The following ABLIM2 variants were observed in gnomAD, a reference collection of about 807,000 sequenced individuals.
ABLIM2 encodes the protein actin binding LIM protein family member 2.
ABLIM2 carries 53 observed loss-of-function variants against 97.7 expected under a neutral mutation model. The ratio of observed to expected loss-of-function variants is 0.54; its 90% CI spans 0.44 to 0.68. ABLIM2 has a LOEUF of 0.68. ABLIM2 is among the 30% of genes least tolerant of loss of function. The pLI, the probability that ABLIM2 is intolerant of heterozygous loss-of-function variation, is 0.00. For missense variants in ABLIM2, 835 were observed against 867.2 expected, an observed-to-expected ratio of 0.96 and a Z score of 0.47; for synonymous variants, 361 against 345.8, an observed-to-expected ratio of 1.04 and a Z score of -0.49.
rs1320186064 is a variant in ABLIM2 at position 8,001,244 on chromosome 4, C to T, written c.1618+6815G>A. ...CAGCATTGGAGGAGGACAGAGGAGG[C>T]CCTGGGGCTGTGGCTATGAGACAAC... is the stretch of plus-strand genomic sequence containing the variant. On this transcript the variant is annotated intron_variant, in intron 16 of 20. Coordinates refer to ENST00000447017, the MANE Select transcript of ABLIM2 (RefSeq NM_001130083.2). The surrounding 1 kb of genome is among the most constrained non-coding windows in gnomAD (Gnocchi z 4.2). Among the ~76,000 whole-genome samples the T allele has an allele frequency of 2.0e-5, 3 of 152,176 alleles. No individual in the cohort carries two copies. Among genetic ancestry groups the T allele is most frequent in the Non-Finnish European group, 4.4e-5 (3 of 68,026 alleles).
chr4:8,121,733 A>G (rs1055254895), intron 1 of ABLIM2, among the ~76,000 whole-genome samples: 1 of 152,226 alleles, frequency 6.6e-6, no homozygotes, highest in African/African-American at 2.4e-5. Context: ...TGCCCAGTGA[A>G]TATTTCTCAA....
At position 8,127,228 on chromosome 4, in the gene ABLIM2, A is replaced by G. The variant is rs1490902670; in HGVS notation, c.11-20591T>C. Among the ~76,000 whole-genome samples, 3 of 152,162 alleles carry G rather than the reference A, an allele frequency of 2.0e-5. No homozygotes were observed. The highest frequency in any genetic ancestry group is 2.9e-5 in the Non-Finnish European group (2 of 68,024). On this transcript the variant is annotated intron_variant, in intron 1 of 20. Transcript: ENST00000447017. This position sits in a 1 kb window ranked among gnomAD's most constrained non-coding sequence, Gnocchi z 7.3. The stretch of plus-strand genomic sequence containing the variant: ...TCAGTGGGTGCTGGAGTCCAGACGC[A>G]GCTCCGATACCAGCACCGTGTGAGG...
intron 16 of ABLIM2, among the ~76,000 whole-genome samples, chr4:8,006,600 G>A (rs1299239268): frequency 2.0e-5 from 3 of 152,222 alleles, no homozygotes; most frequent in Non-Finnish European, 4.4e-5. Flanking sequence ...TAAACACAAC[G>A]GCATCTGACA....
intron 8 of ABLIM2, among the ~76,000 whole-genome samples, chr4:8,050,737 C>T (rs1229448284): frequency 7.0e-6 from 1 of 142,878 alleles, no homozygotes; most frequent in African/African-American, 2.7e-5. Context: ...AGCGCCAGGC[C>T]CTCCGGACAG....
chr4:8,156,449 C>A (rs573097886), intron 1 of ABLIM2, among the ~76,000 whole-genome samples: 2 of 152,180 alleles, frequency 1.3e-5, no homozygotes, highest in Non-Finnish European at 1.5e-5. Context: ...GCTATATAAA[C>A]AATCGCTCTG....
chr4:7,973,794 A>G (rs1560332536), intron 20 of ABLIM2, among the ~76,000 whole-genome samples: 1 of 152,190 alleles, frequency 6.6e-6, no homozygotes, highest in Non-Finnish European at 1.5e-5. Flanking sequence ...CTTTCCACCC[A>G]TCCACCTTGC....
intron 2 of ABLIM2, among the ~76,000 whole-genome samples, chr4:8,103,307 T>C (rs897583290): frequency 4.6e-5 from 7 of 152,242 alleles, no homozygotes; most frequent in Non-Finnish European, 8.8e-5. Flanking sequence ...GGAGAGAAGA[T>C]TAATGCAAGA....
chr4:8,021,586 G>A lies in ABLIM2; in HGVS notation c.1268-1283C>T, dbSNP rs1410602339. Among the ~76,000 whole-genome samples, 1 of 152,212 alleles carries A rather than the reference G, an allele frequency of 6.6e-6. No individual in the cohort carries two copies. The highest frequency in any genetic ancestry group is 1.5e-5 in the Non-Finnish European group (1 of 68,040). ...GAAATGAAACAGAAATAGAACTTCT[G>A]CGGTGGGTGAGTGATGTGCTGGGCC... On this transcript the variant is annotated intron_variant, in intron 12 of 20. Transcript: ENST00000447017. This position sits in a 1 kb window ranked among gnomAD's most constrained non-coding sequence, Gnocchi z 5.5.
chr4:8,099,532 G>T (rs1175157699), intron 2 of ABLIM2, among the ~76,000 whole-genome samples: 2 of 152,088 alleles, frequency 1.3e-5, no homozygotes, highest in Non-Finnish European at 2.9e-5. Flanking sequence ...GTATGCCAAG[G>T]TCACCACAAG....
At chr4:8,110,983 TA>T (rs1329335998) in intron 1 of ABLIM2, among the ~76,000 whole-genome samples, 1 of 152,182 alleles carries the variant, frequency 6.6e-6, no homozygotes. Flanking sequence ...TGAGGACGGC[TA>T]GGGGGGCAAC....
chr4:8,090,949 C>A (rs1023499188), intron 3 of ABLIM2, among the ~76,000 whole-genome samples: 2 of 152,008 alleles, frequency 1.3e-5, no homozygotes, highest in African/African-American at 4.8e-5. Context: ...CGGTTGCCAA[C>A]CAGCCTCTCC....
At chr4:8,030,424 A>G (rs376124645) in intron 10 of ABLIM2, among the ~76,000 whole-genome samples, 1 of 152,168 alleles carries the variant, frequency 6.6e-6, no homozygotes, top group Admixed American at 6.5e-5. Context: ...GGGTCATTAC[A>G]TGGCCCAGCC....
In ABLIM2 at chr4:8,071,641, TG is replaced by T; in HGVS notation, c.675+5986del. On this transcript the variant is annotated intron_variant, in intron 6 of 20. Transcript: ENST00000447017. This position sits in a 1 kb window ranked among gnomAD's most constrained non-coding sequence, Gnocchi z 6.2. ...AGCGCCTTAGGGGGCAAAACGGGGG[TG>T]GGGGAACAGGTGGCTCCGAGGTCTC... 1 of 924,484 alleles carries T rather than the reference TG, an allele frequency of 1.1e-6. No homozygotes were observed. Among genetic ancestry groups the T allele is most frequent in the African/African-American group, 1.8e-5 (1 of 55,258 alleles). The allele number at this position is 924,484 out of a possible 1,614,324, so 57.3% of individuals were successfully genotyped here.
rs1458354880 is a variant in ABLIM2 at position 8,032,066 on chromosome 4, C to A, written c.1048-2290G>T. 2.0e-5 allele frequency among the ~76,000 whole-genome samples: 3 copies of A among 152,110 alleles called. No individual in the cohort carries two copies. The highest frequency in any genetic ancestry group is 7.2e-5 in the African/African-American group (3 of 41,422). ...AATGGCATCAAGCACAGGGGAAGAG[C>A]TCAGGGCACGGTCACTGCCCAGGCT... is the stretch of plus-strand genomic sequence containing the variant. On this transcript the variant is annotated intron_variant, in intron 10 of 20. Transcript: ENST00000447017. This position sits in a 1 kb window ranked among gnomAD's most constrained non-coding sequence, Gnocchi z 4.3.
At chr4:8,157,554 C>A (rs999917590) in intron 1 of ABLIM2, among the ~76,000 whole-genome samples, 11 of 152,228 alleles carry the variant, frequency 7.2e-5, no homozygotes, top group African/African-American at 2.2e-4. Flanking sequence ...GAGACAATCT[C>A]CCCAGGGAGG....
At position 8,069,475 on chromosome 4, in the gene ABLIM2, C is replaced by A. The variant is rs973814568; in HGVS notation, c.675+8153G>T. ...CGCAAGGGAGGACACGACAGGCCAG[C>A]GTGGAAGGGTAGGACCAGGGGCTCT... On this transcript the variant is annotated intron_variant, in intron 6 of 20. Transcript: ENST00000447017. The surrounding 1 kb of genome is among the most constrained non-coding windows in gnomAD (Gnocchi z 4.2). Among the ~76,000 whole-genome samples, 7 of 152,184 alleles carry A rather than the reference C, an allele frequency of 4.6e-5. No homozygotes were observed. The highest frequency in any genetic ancestry group is 1.7e-4 in the African/African-American group (7 of 41,450).
chr4:8,147,703 C>T lies in ABLIM2; in HGVS notation c.10+10977G>A, dbSNP rs1852051558. ...GCTGCAGGGGTGAGGACTGAGCCTC[C>T]CCTGAGCCCCCGAGGGAGCTGCCAG... On this transcript the variant is annotated intron_variant, in intron 1 of 20. Coordinates refer to ENST00000447017, the MANE Select transcript of ABLIM2 (RefSeq NM_001130083.2). The surrounding 1 kb of genome is among the most constrained non-coding windows in gnomAD (Gnocchi z 5.3). Among the ~76,000 whole-genome samples the T allele has an allele frequency of 1.3e-5, 2 of 152,178 alleles. No homozygotes were observed. The highest frequency in any genetic ancestry group is 4.8e-5 in the African/African-American group (2 of 41,430).
chr4:8,097,010 G>T, intron 3 of ABLIM2, 89 bp downstream of exon 3: 6 of 1,438,740 alleles, frequency 4.2e-6, no homozygotes, highest in South Asian at 1.4e-5. Context: ...GTCACGGGAG[G>T]GAGCAGGAGG....
chr4:8,070,833 T>C (rs948924442), intron 6 of ABLIM2, among the ~76,000 whole-genome samples: 21 of 151,910 alleles, frequency 1.4e-4, no homozygotes, highest in African/African-American at 5.1e-4. Context: ...GGAGGAGGAA[T>C]TGATTCGCAG....
Sources: gnomAD v4.1 joint callset for allele counts (sites outside exome capture counted in the v4.1 genomes callset) on GRCh38, gnomAD v4.1.1 for gene constraint, Gnocchi (gnomAD v3.1) non-coding constraint, MANE v1.5 for transcripts, NCBI Gene and HGNC (gene_info 2026-07-23, HGNC 2026-07-21) for gene names.